CUX2: variants seen among roughly 807,000 people sequenced by gnomAD.
The protein encoded by CUX2 is cut like homeobox 2.
A neutral mutation model predicts 144.8 loss-of-function variants in CUX2; 40 were observed. That is an observed-to-expected ratio of 0.28 (90% CI 0.21 to 0.36). The LOEUF is 0.36. Ranked by LOEUF, CUX2 falls within the 10% of genes least tolerant of loss-of-function variation. The pLI, the probability that CUX2 is intolerant of heterozygous loss-of-function variation, is 1.00. For missense variants in CUX2, 1,615 were observed against 1,994.0 expected, an observed-to-expected ratio of 0.81 and a Z score of 3.62; for synonymous variants, 827 against 875.6, an observed-to-expected ratio of 0.94 and a Z score of 0.98.
intron 1 of CUX2, among the ~76,000 whole-genome samples, chr12:111,174,158 G>A (rs1878702405): frequency 6.6e-6 from 1 of 152,208 alleles, no homozygotes; most frequent in South Asian, 2.1e-4. Context: ...AAGCAGGGAA[G>A]TATCAACATC....
intron 1 of CUX2, among the ~76,000 whole-genome samples, chr12:111,200,954 C>G (rs867330991): frequency 2.6e-5 from 4 of 152,176 alleles, no homozygotes; most frequent in Non-Finnish European, 5.9e-5. Flanking sequence ...CGTAAACCCT[C>G]GAGGCATCCT....
chr12:111,180,181 G>A (rs1448114374), intron 1 of CUX2, among the ~76,000 whole-genome samples: 2 of 140,306 alleles, frequency 1.4e-5, no homozygotes, highest in African/African-American at 2.6e-5. Flanking sequence ...CAGAATTAAA[G>A]GAGTCTTCGG....
intron 1 of CUX2, among the ~76,000 whole-genome samples, chr12:111,065,664 G>A (rs1297548506): frequency 6.6e-6 from 1 of 152,302 alleles, no homozygotes; most frequent in East Asian, 1.9e-4. Context: ...GAAATATTTT[G>A]TATTTGTTTT....
chr12:111,309,931 TTG>T, intron 14 of CUX2, 108 bp from the exon 15 acceptor site: 1 of 982,076 alleles, frequency 1.0e-6, no homozygotes, highest in Non-Finnish European at 1.3e-6. Flanking sequence ...CTCTTTCTCG[TTG>T]TCTCTCTCTG....
chr12:111,293,324 C>T lies in CUX2; in HGVS notation c.437-122C>T. The T allele has an allele frequency of 2.1e-6, 3 of 1,434,476 alleles. No homozygotes were observed. The highest frequency in any genetic ancestry group is 5.4e-5 in the Admixed American group (2 of 37,066). The allele number at this position is 1,434,476 out of a possible 1,614,324, so 88.9% of individuals were successfully genotyped here. On this transcript the variant is annotated intron_variant, in intron 5 of 21. Transcript: ENST00000261726. This position sits in a 1 kb window ranked among gnomAD's most constrained non-coding sequence, Gnocchi z 4.5. ...CCGCAGGGCCCCACAGCTGCGCTCTCTCCAAGGCCCAAGTTTGGGAAATTG... is the reference window on the plus strand; with the variant it reads ...CCGCAGGGCCCCACAGCTGCGCTCTTTCCAAGGCCCAAGTTTGGGAAATTG...
At chr12:111,188,493 C>G (rs1879686550) in intron 1 of CUX2, among the ~76,000 whole-genome samples, 1 of 152,114 alleles carries the variant, frequency 6.6e-6, no homozygotes, top group African/African-American at 2.4e-5. Context: ...TCCCATGTAG[C>G]AGGATGGCCA....
intron 1 of CUX2, among the ~76,000 whole-genome samples, chr12:111,161,152 C>T (rs374338290): frequency 1.3e-3 from 196 of 152,232 alleles, no homozygotes; most frequent in African/African-American, 4.4e-3. Flanking sequence ...GAGCCAGAGC[C>T]CTGGATCACT....
At chr12:111,148,437 A>T (rs920958007) in intron 1 of CUX2, among the ~76,000 whole-genome samples, 1 of 152,182 alleles carries the variant, frequency 6.6e-6, no homozygotes, top group South Asian at 2.1e-4. Flanking sequence ...AAGGTGAAAA[A>T]GTTCTGGATA....
At position 111,350,217 on chromosome 12, in the gene CUX2, A is replaced by G. The variant is rs2136464614; in HGVS notation, c.*1892A>G. 6.6e-6 allele frequency: 1 copy of G among 152,568 alleles called. No individual in the cohort carries two copies. Among genetic ancestry groups the G allele is most frequent in the Non-Finnish European group, 1.5e-5 (1 of 68,028 alleles). The allele number at this position is 152,568 out of a possible 1,614,324, so 9.5% of individuals were successfully genotyped here. ...ACCACCACCCTGTTGCAATTAAGAC[A>G]ACCGTGGGGGAACACACCACTTTTT... On this transcript the variant is annotated 3_prime_UTR_variant, in exon 22 of 22. Coordinates refer to ENST00000261726, the MANE Select transcript of CUX2 (RefSeq NM_015267.4).
Position 111,304,196 on chromosome 12 carries a change from C to A in CUX2, c.754-14C>A. Reference sequence around the variant, plus strand: ...TGGGCTCACCTCTCGCCCACACTGTCCCCTTCTCCCCAGCGAGCTGAGGCT... The same window carrying A: ...TGGGCTCACCTCTCGCCCACACTGTACCCTTCTCCCCAGCGAGCTGAGGCT... On this transcript the variant is annotated splice_polypyrimidine_tract_variant and intron_variant, in intron 9 of 21. Transcript: ENST00000261726. The surrounding 1 kb of genome is among the most constrained non-coding windows in gnomAD (Gnocchi z 4.7). The A allele has an allele frequency of 1.2e-6, 2 of 1,606,172 alleles. No individual in the cohort carries two copies. The highest frequency in any genetic ancestry group is 1.3e-5 in the African/African-American group (1 of 74,926).
chr12:111,294,150 A>G (rs1279072284), intron 6 of CUX2, among the ~76,000 whole-genome samples: 1 of 152,224 alleles, frequency 6.6e-6, no homozygotes, highest in African/African-American at 2.4e-5. Context: ...CCTGGGCTAC[A>G]GAGCTGGAGT....
chr12:111,047,160 G>A (rs536404569), intron 1 of CUX2, among the ~76,000 whole-genome samples: 10 of 152,318 alleles, frequency 6.6e-5, no homozygotes, highest in Admixed American at 2.6e-4. Context: ...GCCGCGTGGC[G>A]CGCCCTGTCG....
chr12:111,129,257 T>C (rs551646517), intron 1 of CUX2, among the ~76,000 whole-genome samples: 1 of 152,366 alleles, frequency 6.6e-6, no homozygotes, highest in Admixed American at 6.5e-5. Context: ...CATAGTATCA[T>C]AAGTGTCATG....
chr12:111,173,932 G>C (rs905751205), intron 1 of CUX2, among the ~76,000 whole-genome samples: 2 of 152,188 alleles, frequency 1.3e-5, no homozygotes, highest in African/African-American at 4.8e-5. Flanking sequence ...AGGGCATTCA[G>C]GTAGCGGAAA....
intron 1 of CUX2, among the ~76,000 whole-genome samples, chr12:111,127,027 G>A (rs969530451): frequency 2.8e-4 from 43 of 152,100 alleles, no homozygotes; most frequent in African/African-American, 9.2e-4. Flanking sequence ...TTCAAGTACC[G>A]TAATATAAAG....
chr12:111,062,056 T>C (rs924328000), intron 1 of CUX2, among the ~76,000 whole-genome samples: 1 of 152,270 alleles, frequency 6.6e-6, no homozygotes, highest in Admixed American at 6.5e-5. Context: ...AGGACTGTTC[T>C]AGCACGGAGT....
intron 1 of CUX2, among the ~76,000 whole-genome samples, chr12:111,197,975 C>T (rs1262898035): frequency 6.6e-6 from 1 of 152,250 alleles, no homozygotes; most frequent in Non-Finnish European, 1.5e-5. Context: ...TCCTGCTACC[C>T]TCACTTCTTT....
At chr12:111,294,123 CAT>C (rs1488312015) in intron 6 of CUX2, among the ~76,000 whole-genome samples, 1 of 152,216 alleles carries the variant, frequency 6.6e-6, no homozygotes, top group Non-Finnish European at 1.5e-5. Context: ...TGCTGGAGGC[CAT>C]GAGTTCAAGA....
intron 1 of CUX2, among the ~76,000 whole-genome samples, chr12:111,207,762 T>C (rs1365834369): frequency 6.6e-6 from 1 of 152,158 alleles, no homozygotes; most frequent in Non-Finnish European, 1.5e-5. Flanking sequence ...AACTTCTGTG[T>C]AAATGTTCTA....
Sources: gnomAD v4.1 joint callset for allele counts (sites outside exome capture counted in the v4.1 genomes callset) on GRCh38, gnomAD v4.1.1 for gene constraint, Gnocchi (gnomAD v3.1) non-coding constraint, MANE v1.5 for transcripts, NCBI Gene and HGNC (gene_info 2026-07-23, HGNC 2026-07-21) for gene names.